The following LRRC4C variants were observed in gnomAD, a reference collection of about 807,000 sequenced individuals.
LRRC4C encodes leucine rich repeat containing 4C, also known as leucine-rich repeat-containing protein 4C.
LRRC4C carries 5 observed loss-of-function variants against 33.6 expected under a neutral mutation model. The ratio of observed to expected loss-of-function variants is 0.15; its 90% confidence interval spans 0.08 to 0.31. LRRC4C has a LOEUF of 0.31. Among genes scored for constraint, LRRC4C ranks in the 10% least tolerant of loss-of-function variants. The probability of loss-of-function intolerance (pLI) is 1.00; values close to 1 mark genes in which losing one functional copy is unlikely to be tolerated. For synonymous variants in LRRC4C, 329 were observed against 302.0 expected (o/e 1.09, Z -0.93); for missense variants, 560 against 796.7 (o/e 0.70, Z 3.58).
intron 3 of LRRC4C, among the ~76,000 whole-genome samples, chr11:40,472,009 C>T (rs1220769460): frequency 6.6e-6 from 1 of 152,122 alleles, no homozygotes; most frequent in Non-Finnish European, 1.5e-5. Context: ...AAGAAACTCA[C>T]TCGAGGCCGG....
intron 2 of LRRC4C, among the ~76,000 whole-genome samples, chr11:40,773,366 T>G (rs1949841577): frequency 6.6e-6 from 1 of 152,090 alleles, no homozygotes; most frequent in African/African-American, 2.4e-5. Context: ...TAACAGAAAT[T>G]TTTTAACAGA....
chr11:40,200,079 G>C (rs956272002), intron 5 of LRRC4C, among the ~76,000 whole-genome samples: 1 of 149,884 alleles, frequency 6.7e-6, no homozygotes, highest in Non-Finnish European at 1.5e-5. Flanking sequence ...ACTGTGGCTC[G>C]TGCCTGTAAT....
intron 5 of LRRC4C, among the ~76,000 whole-genome samples, chr11:40,231,441 CATTAA>C (rs1308613146): frequency 2.0e-5 from 3 of 147,418 alleles, no homozygotes; most frequent in African/African-American, 7.3e-5. Context: ...CATATAAGTA[CATTAA>C]ATTATCAACA....
At chr11:40,947,052 CA>C (rs1417029089) in intron 1 of LRRC4C, among the ~76,000 whole-genome samples, 4 of 152,042 alleles carry the variant, frequency 2.6e-5, no homozygotes, top group African/African-American at 7.2e-5. Flanking sequence ...AGAAGTCGTA[CA>C]TTTTTTTTCT....
chr11:41,064,695 G>C (rs1004045755), intron 1 of LRRC4C, among the ~76,000 whole-genome samples: 4 of 152,174 alleles, frequency 2.6e-5, no homozygotes, highest in Non-Finnish European at 5.9e-5. Flanking sequence ...CAGAAGGCGG[G>C]TGATTTCTGC....
intron 4 of LRRC4C, among the ~76,000 whole-genome samples, chr11:40,267,889 A>G (rs1942398318): frequency 6.6e-6 from 1 of 152,200 alleles, no homozygotes; most frequent in Admixed American, 6.5e-5. Context: ...TGTTATCTAC[A>G]GGAACATATT....
chr11:40,232,111 A>G (rs771148996), intron 5 of LRRC4C, among the ~76,000 whole-genome samples: 3 of 152,054 alleles, frequency 2.0e-5, no homozygotes, highest in Non-Finnish European at 4.4e-5. Context: ...GGTTCAAGAG[A>G]TTCTCCTGCC....
intron 1 of LRRC4C, among the ~76,000 whole-genome samples, chr11:41,126,222 AT>A (rs1490681476): frequency 6.6e-6 from 1 of 151,998 alleles, no homozygotes; most frequent in Admixed American, 6.6e-5. Flanking sequence ...AAAAATTGTC[AT>A]TTTTTAAGTC....
At chr11:41,276,975 AT>A (rs1170925576) in intron 1 of LRRC4C, among the ~76,000 whole-genome samples, 1 of 152,168 alleles carries the variant, frequency 6.6e-6, no homozygotes, top group African/African-American at 2.4e-5. Context: ...GTAAGATAGT[AT>A]TTTTTTAAGC....
chr11:41,307,263 T>C (rs1236548553), intron 1 of LRRC4C, among the ~76,000 whole-genome samples: 1 of 152,008 alleles, frequency 6.6e-6, no homozygotes, highest in Non-Finnish European at 1.5e-5. Flanking sequence ...CTTAATTAAG[T>C]TTCTATTTCA....
chr11:41,128,381 C>T (rs1003035573), intron 1 of LRRC4C, among the ~76,000 whole-genome samples: 4 of 152,072 alleles, frequency 2.6e-5, no homozygotes, highest in African/African-American at 9.7e-5. Flanking sequence ...ACTGACTGTT[C>T]ATTTTTAACC....
chr11:40,434,861 A>G (rs1565384477), intron 3 of LRRC4C, among the ~76,000 whole-genome samples: 1 of 152,216 alleles, frequency 6.6e-6, no homozygotes, highest in Non-Finnish European at 1.5e-5. Flanking sequence ...CAAGAAGGGA[A>G]TATAAAAGAG....
intron 4 of LRRC4C, among the ~76,000 whole-genome samples, chr11:40,291,060 CT>C (rs1479180790): frequency 9.9e-5 from 15 of 152,072 alleles, no homozygotes; most frequent in Non-Finnish European, 1.9e-4. Context: ...TTCTCTAGGC[CT>C]CAGTTTCCTT....
intron 1 of LRRC4C, among the ~76,000 whole-genome samples, chr11:41,231,811 G>A (rs1738727365): frequency 1.3e-5 from 2 of 151,572 alleles, no homozygotes; most frequent in African/African-American, 4.9e-5. Context: ...ACAAATATAT[G>A]TAGATATACA....
chr11:40,159,377 G>C (rs1346851009), intron 5 of LRRC4C, among the ~76,000 whole-genome samples: 2 of 152,126 alleles, frequency 1.3e-5, no homozygotes, highest in Non-Finnish European at 2.9e-5. Flanking sequence ...CTCATTAGCA[G>C]AGACTAAGAA....
intron 3 of LRRC4C, among the ~76,000 whole-genome samples, chr11:40,566,086 GTTT>G: frequency 2.9e-4 from 18 of 62,778 alleles, no homozygotes; most frequent in African/African-American, 1.1e-3. Flanking sequence ...TTTTTACTAA[GTTT>G]TTTTTTTTTT....
intron 3 of LRRC4C, among the ~76,000 whole-genome samples, chr11:40,328,881 G>A (rs1413698018): frequency 6.6e-6 from 1 of 152,248 alleles, no homozygotes; most frequent in African/African-American, 2.4e-5. Flanking sequence ...ATAGCAGCAT[G>A]AGTGGGGTAA....
intron 1 of LRRC4C, among the ~76,000 whole-genome samples, chr11:41,387,308 G>A (rs895444085): frequency 4.0e-5 from 6 of 151,726 alleles, no homozygotes; most frequent in Non-Finnish European, 7.4e-5. Flanking sequence ...TAGATGTAGA[G>A]GATTCAGTTT....
At chr11:40,888,147 C>T (rs1204435226) in intron 2 of LRRC4C, among the ~76,000 whole-genome samples, 1 of 151,740 alleles carries the variant, frequency 6.6e-6, no homozygotes, top group Non-Finnish European at 1.5e-5. Context: ...TGTGAAAATT[C>T]CAGGGTTCTG....
Sources: gnomAD v4.1 joint callset for allele counts (sites outside exome capture counted in the v4.1 genomes callset) on GRCh38, gnomAD v4.1.1 for gene constraint, MANE v1.5 for transcripts, NCBI Gene and HGNC (gene_info 2026-07-23, HGNC 2026-07-21) for gene names.